Variants in GFRA2 observed in about 807,000 individuals in gnomAD.
The protein encoded by GFRA2 is GDNF family receptor alpha-2.
Under a neutral mutation model 48.3 loss-of-function variants are expected in GFRA2, and 17 were observed. That is an observed-to-expected ratio of 0.35 (90% CI 0.24 to 0.53). GFRA2 has a LOEUF of 0.53. GFRA2 is among the 20% of genes least tolerant of loss of function. The probability of loss-of-function intolerance (pLI) is 0.93; values close to 1 mark genes in which losing one functional copy is unlikely to be tolerated. For synonymous variants in GFRA2, 305 were observed against 257.2 expected, an observed-to-expected ratio of 1.19 and a Z score of -1.78; for missense variants, 660 against 637.3, an observed-to-expected ratio of 1.04 and a Z score of -0.38.
intron 4 of GFRA2, among the ~76,000 whole-genome samples, chr8:21,716,107 G>A (rs1047528050): frequency 2.0e-5 from 3 of 152,122 alleles, no homozygotes; most frequent in African/African-American, 7.2e-5. Flanking sequence ...CGGATTACTT[G>A]AGGTCAAGAG....
chr8:21,783,082 T>C lies in GFRA2; in HGVS notation c.41-183A>G, dbSNP rs1436874699. 8 of 711,242 alleles carry C rather than the reference T, an allele frequency of 1.1e-5. No individual in the cohort carries two copies. In the African/African-American group the frequency reaches 1.4e-4, roughly 12 times the overall value. 44.1% of individuals were successfully genotyped at this position (711,242 alleles called of 1,614,324 possible). ...GGAGAACTCAGGCATCATCCTCCCC[T>C]GGATGTAGGAGCAAGTTTTCTCCCT... On this transcript the variant is annotated intron_variant, in intron 1 of 8. Transcript: ENST00000524240.
chr8:21,753,021 A>T (rs1193342077), intron 3 of GFRA2, among the ~76,000 whole-genome samples: 1 of 151,812 alleles, frequency 6.6e-6, no homozygotes, highest in Non-Finnish European at 1.5e-5. Flanking sequence ...ACCCCATGAC[A>T]ATCTTCTCTC....
At chr8:21,704,581 C>A (rs554368499) in intron 6 of GFRA2, among the ~76,000 whole-genome samples, 1 of 152,198 alleles carries the variant, frequency 6.6e-6, no homozygotes, top group African/African-American at 2.4e-5. Context: ...TGTGGCTAAC[C>A]TCTCTCTGGC....
intron 2 of GFRA2, among the ~76,000 whole-genome samples, chr8:21,795,785 G>A (rs1003677539): frequency 1.2e-4 from 19 of 152,130 alleles, no homozygotes; most frequent in African/African-American, 4.6e-4. Context: ...TCATCCAGTG[G>A]GCTTTCCAAT....
intron 7 of GFRA2, among the ~76,000 whole-genome samples, chr8:21,696,784 G>T (rs1802197766): frequency 1.3e-5 from 2 of 151,876 alleles, no homozygotes; most frequent in South Asian, 4.2e-4. Flanking sequence ...GTATTACACA[G>T]GAAAAATGAC....
At chr8:21,737,294 G>C (rs1020289710) in intron 4 of GFRA2, among the ~76,000 whole-genome samples, 1 of 152,104 alleles carries the variant, frequency 6.6e-6, no homozygotes, top group Non-Finnish European at 1.5e-5. Context: ...GCTTGAACCT[G>C]GGAGGTGGAG....
intron 8 of GFRA2, 30 bp from the exon 9 acceptor site, chr8:21,693,430 A>G: frequency 6.3e-7 from 1 of 1,583,180 alleles, no homozygotes; most frequent in South Asian, 1.2e-5. Context: ...AGAATCAGGA[A>G]CAAAGAGAAT....
chr8:21,735,550 C>T (rs11774741), intron 4 of GFRA2, among the ~76,000 whole-genome samples: 6 of 150,196 alleles, frequency 4.0e-5, no homozygotes, highest in Non-Finnish European at 1.5e-5. Flanking sequence ...CCACCCACTG[C>T]TGGTGCTGAG....
intron 1 of GFRA2, 157 bp from the exon 2 acceptor site, chr8:21,783,056 G>A (rs1238158258): frequency 1.1e-5 from 8 of 743,898 alleles, no homozygotes; most frequent in South Asian, 1.0e-4. Flanking sequence ...TCATACCCCA[G>A]GGAGAACTCA....
At position 21,788,813 on chromosome 8, in the gene GFRA2, T is replaced by C. The variant is rs943661851; in HGVS notation, c.-654A>G. 4 of 984,600 alleles carry C rather than the reference T, an allele frequency of 4.1e-6. No individual in the cohort carries two copies. In the African/African-American group the frequency reaches 7.0e-5, roughly 17 times the overall value. 61.0% of individuals were successfully genotyped at this position (984,600 alleles called of 1,614,324 possible). On this transcript the variant is annotated 5_prime_UTR_variant, in exon 1 of 9. Coordinates refer to ENST00000524240, the MANE Select transcript of GFRA2 (RefSeq NM_001495.5). ...GTGTCTCTGCGTGCGTGTGTCTTTCTCTCTCCTCTCTCTCTCTCTCCTCTC... is the reference window on the plus strand; with the variant it reads ...GTGTCTCTGCGTGCGTGTGTCTTTCCCTCTCCTCTCTCTCTCTCTCCTCTC...
chr8:21,759,944 G>A (rs1240687789), intron 3 of GFRA2, among the ~76,000 whole-genome samples: 1 of 151,528 alleles, frequency 6.6e-6, no homozygotes, highest in Non-Finnish European at 1.5e-5. Context: ...TTTCCGAGGA[G>A]GTGACATCAA....
At chr8:21,787,273 A>AGGGGGGGGGGGG (rs1585344097) in intron 1 of GFRA2, among the ~76,000 whole-genome samples, 110 of 51,798 alleles carry the variant, frequency 2.1e-3, no homozygotes, top group Non-Finnish European at 2.6e-3. Flanking sequence ...CGGGGGGGGC[A>AGGGGGGGGGGGG]GTGGGGGGGG....
chr8:21,759,182 G>A (rs1438496661), intron 3 of GFRA2, among the ~76,000 whole-genome samples: 1 of 152,074 alleles, frequency 6.6e-6, no homozygotes, highest in East Asian at 1.9e-4. Flanking sequence ...CTGGAGGCCA[G>A]GAGTTACAGC....
chr8:21,772,966 G>A (rs1056277978), intron 3 of GFRA2, among the ~76,000 whole-genome samples: 23 of 152,150 alleles, frequency 1.5e-4, no homozygotes, highest in African/African-American at 5.3e-4. Context: ...GTAATCTGCC[G>A]GTACCTGAGC....
intron 2 of GFRA2, among the ~76,000 whole-genome samples, chr8:21,802,585 G>A (rs1292346221): frequency 1.3e-5 from 2 of 152,084 alleles, no homozygotes; most frequent in Non-Finnish European, 1.5e-5. Context: ...GAACTCCTGG[G>A]CTCAAGCGAT....
At chr8:21,726,107 A>G (rs980379439) in intron 4 of GFRA2, among the ~76,000 whole-genome samples, 11 of 152,312 alleles carry the variant, frequency 7.2e-5, no homozygotes, top group African/African-American at 2.4e-4. Flanking sequence ...CCCTCTGCCA[A>G]GAACACCACA....
At chr8:21,807,602 T>C (rs553654171) in intron 1 of GFRA2, among the ~76,000 whole-genome samples, 2 of 152,212 alleles carry the variant, frequency 1.3e-5, no homozygotes, top group Admixed American at 6.5e-5. Context: ...CCTCTCTCCT[T>C]GGCTTGCAGA....
chr8:21,714,255 T>C (rs1236894283), intron 4 of GFRA2, among the ~76,000 whole-genome samples: 3 of 135,322 alleles, frequency 2.2e-5, no homozygotes, highest in African/African-American at 8.3e-5. Flanking sequence ...TCTTTTTTTT[T>C]TTTTTTTTTT....
chr8:21,736,390 T>G (rs985544520), intron 4 of GFRA2, among the ~76,000 whole-genome samples: 1 of 152,234 alleles, frequency 6.6e-6, no homozygotes, highest in Non-Finnish European at 1.5e-5. Flanking sequence ...CCTAAAAAAA[T>G]AGCTGCAAGT....
Sources: gnomAD v4.1 joint callset for allele counts (sites outside exome capture counted in the v4.1 genomes callset) on GRCh38, gnomAD v4.1.1 for gene constraint, MANE v1.5 for transcripts, NCBI Gene and HGNC (gene_info 2026-07-23, HGNC 2026-07-21) for gene names.